SCGB2B2: variants seen among roughly 807,000 people sequenced by gnomAD.
SCGB2B2 encodes secretoglobin-like protein.
A neutral mutation model predicts 7.6 loss-of-function variants in SCGB2B2; 11 were observed. That is an observed-to-expected ratio of 1.45 (90% CI 0.91 to 2.40). SCGB2B2 has a LOEUF of 2.40. Ranked by LOEUF, SCGB2B2 falls within the 30% of genes most tolerant of loss-of-function variation. SCGB2B2 has a pLI of 0.00. For missense variants in SCGB2B2, 104 were observed against 115.4 expected (o/e 0.90, Z 0.45); for synonymous variants, 50 against 48.6 (o/e 1.03, Z -0.12).
rs535569756 is a variant in SCGB2B2 at position 34,594,773 on chromosome 19, G to A, written c.-210C>T. The A allele has an allele frequency of 1.5e-5, 9 of 600,620 alleles. No homozygotes were observed. The highest frequency in any genetic ancestry group is 2.1e-5 in the Non-Finnish European group (7 of 327,222). 37.2% of individuals were successfully genotyped at this position (600,620 alleles called of 1,614,324 possible). Reference sequence around the variant, plus strand: ...CATGCTGTTGGGGTGGCAGCGTATCGGGAACTGGACTCAGCATGCAGTGGG... The same window carrying A: ...CATGCTGTTGGGGTGGCAGCGTATCAGGAACTGGACTCAGCATGCAGTGGG... On this transcript the variant is annotated 5_prime_UTR_variant, in exon 2 of 4. It introduces an in-frame stop codon into an upstream open reading frame of the 5' UTR. Coordinates refer to ENST00000601241, the MANE Select transcript of SCGB2B2 (RefSeq NM_001025591.4).
At chr19:34,660,716 C>T (rs565893447) in intron 1 of SCGB2B2, among the ~76,000 whole-genome samples, 28 of 152,274 alleles carry the variant, frequency 1.8e-4, no homozygotes, top group African/African-American at 6.0e-4. Context: ...GACAGTGTGG[C>T]GATTCCTCAA....
intron 1 of SCGB2B2, among the ~76,000 whole-genome samples, chr19:34,652,997 T>A (rs950026137): frequency 6.6e-5 from 10 of 151,280 alleles, no homozygotes; most frequent in Admixed American, 6.6e-4. Flanking sequence ...AAATGTGGTA[T>A]ACATACACAA....
At chr19:34,649,878 G>A (rs1477851391) in intron 1 of SCGB2B2, among the ~76,000 whole-genome samples, 1 of 151,056 alleles carries the variant, frequency 6.6e-6, no homozygotes, top group African/African-American at 2.5e-5. Context: ...GCCCCAATCT[G>A]TCAAGTTTCT....
intron 1 of SCGB2B2, among the ~76,000 whole-genome samples, chr19:34,608,383 A>G (rs1170379514): frequency 6.6e-6 from 1 of 151,402 alleles, no homozygotes; most frequent in Non-Finnish European, 1.5e-5. Context: ...AGTGCTATAG[A>G]AAACTAGAAC....
chr19:34,648,804 A>T (rs968907334), intron 1 of SCGB2B2, among the ~76,000 whole-genome samples: 4 of 151,910 alleles, frequency 2.6e-5, no homozygotes, highest in Non-Finnish European at 2.9e-5. Context: ...CAAAAAGAAC[A>T]TGTTGCATTA....
At chr19:34,621,047 A>G (rs1362441443) in intron 1 of SCGB2B2, among the ~76,000 whole-genome samples, 1 of 152,250 alleles carries the variant, frequency 6.6e-6, no homozygotes, top group Non-Finnish European at 1.5e-5. Flanking sequence ...ATCCTTAAAT[A>G]GTGTTCCTAT....
intron 1 of SCGB2B2, among the ~76,000 whole-genome samples, chr19:34,640,092 A>G (rs2145998791): frequency 6.6e-6 from 1 of 152,290 alleles, no homozygotes; most frequent in South Asian, 2.1e-4. Flanking sequence ...GCATCTAACA[A>G]AACACTTAAT....
Position 34,594,373 on chromosome 19 carries a change from G to T in SCGB2B2, c.62-14C>A. 6.2e-7 allele frequency: 1 copy of T among 1,612,088 alleles called. No individual in the cohort carries two copies. The highest frequency in any genetic ancestry group is 8.5e-7 in the Non-Finnish European group (1 of 1,178,352). The stretch of plus-strand genomic sequence containing the variant: ...GGCAGGCATCCCCTGTGGAGGATGA[G>T]GTGAGATAAGAAAACAGAGGAGGTC... On this transcript the variant is annotated splice_polypyrimidine_tract_variant and intron_variant, in intron 2 of 3. Transcript: ENST00000601241.
At chr19:34,605,294 A>G (rs1968983867) in intron 1 of SCGB2B2, among the ~76,000 whole-genome samples, 1 of 152,018 alleles carries the variant, frequency 6.6e-6, no homozygotes, top group African/African-American at 2.4e-5. Flanking sequence ...AGTTTTGAGA[A>G]CTCTGTCTTA....
intron 1 of SCGB2B2, chr19:34,640,278 C>CT (rs894152731): frequency 1.6e-3 from 237 of 147,350 alleles, no homozygotes; most frequent in African/African-American, 3.8e-3. Context: ...TTTAATTTCT[C>CT]TTTTTTTTTT....
intron 1 of SCGB2B2, among the ~76,000 whole-genome samples, chr19:34,617,732 A>G (rs1192902830): frequency 6.6e-6 from 1 of 152,108 alleles, no homozygotes; most frequent in Non-Finnish European, 1.5e-5. Context: ...GTTGAATAGG[A>G]GTGGTGAGAG....
At chr19:34,645,569 CACACGAAG>C in intron 1 of SCGB2B2, 1 of 227,488 alleles carries the variant, frequency 4.4e-6, no homozygotes. Flanking sequence ...CACACACACA[CACACGAAG>C]GTGTGTGTCA....
At chr19:34,657,833 C>T (rs2067323435) in intron 1 of SCGB2B2, among the ~76,000 whole-genome samples, 3 of 152,116 alleles carry the variant, frequency 2.0e-5, no homozygotes, top group African/African-American at 7.2e-5. Flanking sequence ...TAAAATTGAC[C>T]ACATAATTGG....
intron 1 of SCGB2B2, among the ~76,000 whole-genome samples, chr19:34,664,424 A>G (rs1165338346): frequency 6.6e-6 from 1 of 152,200 alleles, no homozygotes; most frequent in Non-Finnish European, 1.5e-5. Context: ...CACCTTGGAC[A>G]GCAGCCCCAG....
intron 1 of SCGB2B2, among the ~76,000 whole-genome samples, chr19:34,647,950 T>C (rs1408065073): frequency 6.6e-6 from 1 of 151,946 alleles, no homozygotes; most frequent in Non-Finnish European, 1.5e-5. Flanking sequence ...GAATGCAGCA[T>C]GATGAGAAAG....
chr19:34,657,320 G>C (rs2067308829), intron 1 of SCGB2B2, among the ~76,000 whole-genome samples: 1 of 151,140 alleles, frequency 6.6e-6, no homozygotes, highest in African/African-American at 2.5e-5. Flanking sequence ...TGGATAAAGA[G>C]TCAAGACCCA....
In SCGB2B2 at chr19:34,590,890, A is replaced by C. The variant is rs955867478; in HGVS notation, c.*2665T>G. Among the ~76,000 whole-genome samples the C allele has an allele frequency of 6.6e-6, 1 of 152,218 alleles. No individual in the cohort carries two copies. Among genetic ancestry groups the C allele is most frequent in the Admixed American group, 6.5e-5 (1 of 15,278 alleles). The stretch of plus-strand genomic sequence containing the variant: ...CACATGTGAAATGCTTTTGCATCTC[A>C]AAGTATTTATATCAATAACATGTTT... On this transcript the variant is annotated 3_prime_UTR_variant, in exon 4 of 4. Coordinates refer to ENST00000601241, the MANE Select transcript of SCGB2B2 (RefSeq NM_001025591.4).
chr19:34,676,161 C>G lies in SCGB2B2; in HGVS notation c.-2563G>C, dbSNP rs1258166659. ...CAGAGTGCTGTTTGGTCCGTTTTTACAGAGTGCTGACTGGTGCATTTACAA... is the reference window on the plus strand; with the variant it reads ...CAGAGTGCTGTTTGGTCCGTTTTTAGAGAGTGCTGACTGGTGCATTTACAA... On this transcript the variant is annotated 5_prime_UTR_variant, in exon 1 of 4. Coordinates refer to ENST00000601241, the MANE Select transcript of SCGB2B2 (RefSeq NM_001025591.4). 1 of 152,202 alleles carries G rather than the reference C, an allele frequency of 6.6e-6. No homozygotes were observed. The highest frequency in any genetic ancestry group is 1.5e-5 in the Non-Finnish European group (1 of 68,044). The allele number at this position is 152,202 out of a possible 1,614,324, so 9.4% of individuals were successfully genotyped here.
In SCGB2B2 at chr19:34,654,970, A is replaced by C. The variant is rs958069798; in HGVS notation, c.-2032+20660T>G. ...TCCTTCGGGCACTTACACCACTCCA[A>C]TCTTATGTAAATTCTTCCAAAGAAT... is the stretch of plus-strand genomic sequence containing the variant. On this transcript the variant is annotated intron_variant, in intron 1 of 3. Transcript: ENST00000601241. Among the ~76,000 whole-genome samples the C allele has an allele frequency of 3.2e-4, 48 of 151,220 alleles. 1 individual carries two copies. Among genetic ancestry groups the C allele is most frequent in the African/African-American group, 1.1e-3 (46 of 40,560 alleles).
Sources: allele counts gnomAD v4.1 joint callset (sites outside exome capture counted in the v4.1 genomes callset), GRCh38; gene constraint gnomAD v4.1.1; transcripts MANE v1.5; gene names NCBI Gene and HGNC (gene_info 2026-07-23, HGNC 2026-07-21).